The following CXCR1 variants were observed in gnomAD, a reference collection of about 807,000 sequenced individuals.
CXCR1 encodes the protein C-X-C chemokine receptor type 1.
For missense variants in CXCR1, 419 were observed against 440.5 expected, an observed-to-expected ratio of 0.95 and a Z score of 0.44; for synonymous variants, 180 against 184.7, an observed-to-expected ratio of 0.97 and a Z score of 0.21.
At position 218,164,259 on chromosome 2, in the gene CXCR1, T is replaced by C. The variant is rs2106120348; in HGVS notation, c.953A>G (p.Lys318Arg). The part of the protein sequence containing the change: ...IGQNFRHGFL[K>R]ILAMHGLVSK... ...GACCAGGCCATGCATAGCCAGGATC[T>C]TGAGGAATCCATGGCGAAAATTTTG... The change falls in exon 2 of 2, where the codon AAG (lysine) becomes AGG (arginine). Residue 318 changes from lysine (K) to arginine (R), a missense_variant. Lys to Arg is a conservative substitution (Grantham distance 26). Coordinates refer to ENST00000295683, the MANE Select transcript of CXCR1 (RefSeq NM_000634.3). 6.2e-7 allele frequency: 1 copy of C among 1,612,916 alleles called. No individual in the cohort carries two copies. Among genetic ancestry groups the C allele is most frequent in the Non-Finnish European group, 8.5e-7 (1 of 1,178,898 alleles).
chr2:218,164,120 C>T lies in CXCR1; in HGVS notation c.*39G>A. The T allele has an allele frequency of 6.2e-7, 1 of 1,609,396 alleles. No homozygotes were observed. Among genetic ancestry groups the T allele is most frequent in the Non-Finnish European group, 8.5e-7 (1 of 1,178,886 alleles). ...ACACAACCTCAGGGTGTTGGTTATT[C>T]TTTCCTTCTGAGAAGAGATATTCCT... is the stretch of plus-strand genomic sequence containing the variant. On this transcript the variant is annotated 3_prime_UTR_variant, in exon 2 of 2. Coordinates refer to ENST00000295683, the MANE Select transcript of CXCR1 (RefSeq NM_000634.3).
Position 218,164,063 on chromosome 2 carries a change from T to C in CXCR1, c.*96A>G. Reference sequence around the variant, plus strand: ...CTATAGCGTCCCCCCAAAACCCAGATAGTGCCTGTCCAGAGCCAGATCACC... The same window carrying C: ...CTATAGCGTCCCCCCAAAACCCAGACAGTGCCTGTCCAGAGCCAGATCACC... On this transcript the variant is annotated 3_prime_UTR_variant, in exon 2 of 2. Transcript: ENST00000295683. The C allele has an allele frequency of 4.1e-6, 6 of 1,476,628 alleles. No homozygotes were observed. The highest frequency in any genetic ancestry group is 5.6e-6 in the Non-Finnish European group (6 of 1,074,284). 91.5% of individuals were successfully genotyped at this position (1,476,628 alleles called of 1,614,324 possible).
intron 1 of CXCR1, 101 bp from the exon 2 acceptor site, chr2:218,165,345 G>A: frequency 1.1e-6 from 1 of 935,282 alleles, no homozygotes; most frequent in South Asian, 1.4e-5. Flanking sequence ...TGGCTTCCCT[G>A]TTGGTTTGGC....
In CXCR1 at chr2:218,164,914, C is replaced by T; in HGVS notation, c.298G>A (p.Val100Met). 1 of 1,614,238 alleles carries T rather than the reference C, an allele frequency of 6.2e-7. No individual in the cohort carries two copies. Among genetic ancestry groups the T allele is most frequent in the Non-Finnish European group, 8.5e-7 (1 of 1,180,046 alleles). Residue 100 changes from valine to methionine, a missense_variant, in exon 2 of 2, where the codon GTG (valine) becomes ATG (methionine). Transcript: ENST00000295683. Reference protein sequence around the residue: ...LTLPIWAASKVNGWIFGTFLC... With the variant: ...LTLPIWAASKMNGWIFGTFLC... ...AATGTGCCAAAAATCCAGCCATTCACCTTGGAGGCGGCCCAGATGGGCAAG... is the reference window on the plus strand; with the variant it reads ...AATGTGCCAAAAATCCAGCCATTCATCTTGGAGGCGGCCCAGATGGGCAAG...
Position 218,164,208 on chromosome 2 carries a change from C to G in CXCR1, c.1004G>C (p.Arg335Pro), listed in dbSNP as rs751280061. The change falls in exon 2 of 2, where the codon CGT becomes CCT. Residue 335 changes from arginine (R) to proline (P), a missense_variant. Transcript: ENST00000295683. ...AGACGAAGAAGTGTAGGAGGTAACA[C>G]GATGACGTGCCAAGAACTCCTTGCT... ...LVSKEFLARH[R>P]VTSYTSSSVN... The G allele has an allele frequency of 5.0e-6, 8 of 1,614,012 alleles. No homozygotes were observed. The highest frequency in any genetic ancestry group is 2.2e-5 in the East Asian group (1 of 44,894).
rs16858824 is a variant in CXCR1, at chr2:218,166,387, G to A, written c.-34+521C>T. ...CGGGAAATGGAGGTTGCAGTGAGCC[G>A]AGATCGTGCCACAGTACTACAGCCT... On this transcript the variant is annotated intron_variant, in intron 1 of 1. Coordinates refer to ENST00000295683, the MANE Select transcript of CXCR1 (RefSeq NM_000634.3). Among the ~76,000 whole-genome samples, 490 of 152,182 alleles carry A rather than the reference G, an allele frequency of 3.2e-3. 2 individuals carry two copies. Among genetic ancestry groups the A allele is most frequent in the African/African-American group, 0.011 (448 of 41,524 alleles).
rs747117990 is a variant in CXCR1, at chr2:218,164,991, G to C, written c.221C>G (p.Thr74Ser). The C allele has an allele frequency of 1.2e-6, 2 of 1,614,264 alleles. No homozygotes were observed. The highest frequency in any genetic ancestry group is 2.2e-5 in the East Asian group (1 of 44,888). ...ILYSRVGRSV[T>S]DVYLLNLALA... ...GGCCAGGTTCAGCAGGTAGACATCAGTGACGGAGCGGCCGACCCTGCTGTA... is the reference window on the plus strand; with the variant it reads ...GGCCAGGTTCAGCAGGTAGACATCACTGACGGAGCGGCCGACCCTGCTGTA... The change falls in exon 2 of 2, where the codon ACT (threonine) becomes AGT (serine). Residue 74 changes from threonine to serine, a missense_variant. Transcript: ENST00000295683.
In CXCR1 at chr2:218,164,790, T is replaced by C; in HGVS notation, c.422A>G (p.His141Arg). The change falls in exon 2 of 2, where the codon CAT (histidine) becomes CGT (arginine). Residue 141 changes from histidine (H) to arginine (R), a missense_variant. Transcript: ENST00000295683. The stretch of plus-strand genomic sequence containing the variant: ...CTTCTGGGTCAGTGTGCGTGTGGCA[T>C]GGACAATGGCCAGGTAACGGTCCAC... ...ISVDRYLAIV[H>R]ATRTLTQKRH... 6.2e-7 allele frequency: 1 copy of C among 1,614,240 alleles called. No homozygotes were observed. Among genetic ancestry groups the C allele is most frequent in the South Asian group, 1.1e-5 (1 of 91,086 alleles).
In CXCR1 at chr2:218,164,316, C is replaced by A. The variant is rs1209956413; in HGVS notation, c.896G>T (p.Cys299Phe). 1 of 1,612,050 alleles carries A rather than the reference C, an allele frequency of 6.2e-7. No individual in the cohort carries two copies. The highest frequency in any genetic ancestry group is 8.5e-7 in the Non-Finnish European group (1 of 1,178,360). ...ATEILGFLHSCLNPIIYAFIG... is the reference protein window; with the variant it reads ...ATEILGFLHSFLNPIIYAFIG... ...GAAGGCGTAGATGATGGGGTTGAGG[C>A]AGCTATGGAGAAATCCCAGAATCTC... The change falls in exon 2 of 2, where the codon TGC (cysteine) becomes TTC (phenylalanine). Residue 299 changes from cysteine (C) to phenylalanine (F), a missense_variant. By Grantham distance (205) the Cys-to-Phe change is radical (BLOSUM62 -2). Coordinates refer to ENST00000295683, the MANE Select transcript of CXCR1 (RefSeq NM_000634.3).
In CXCR1 at chr2:218,165,263, G is replaced by A; in HGVS notation, c.-33-19C>T. 1 of 1,551,976 alleles carries A rather than the reference G, an allele frequency of 6.4e-7. No individual in the cohort carries two copies. The highest frequency in any genetic ancestry group is 1.1e-5 in the South Asian group (1 of 89,952). ...GATCTAACTGGAAGGTTAGAAGGAA[G>A]GAAATGTGATTTAGTAGCTCGGATT... On this transcript the variant is annotated intron_variant, in intron 1 of 1. Transcript: ENST00000295683.
At position 218,164,329 on chromosome 2, in the gene CXCR1, A is replaced by C. The variant is rs1254923131; in HGVS notation, c.883T>G (p.Phe295Val). ...ATGGGGTTGAGGCAGCTATGGAGAA[A>C]TCCCAGAATCTCAGTGGCATCCAGG... ...RALDATEILG[F>V]LHSCLNPIIY... The change falls in exon 2 of 2, where the codon TTT becomes GTT. Residue 295 changes from phenylalanine (F) to valine (V), a missense_variant. Coordinates refer to ENST00000295683, the MANE Select transcript of CXCR1 (RefSeq NM_000634.3). The C allele has an allele frequency of 6.2e-7, 1 of 1,611,834 alleles. No homozygotes were observed. The highest frequency in any genetic ancestry group is 8.5e-7 in the Non-Finnish European group (1 of 1,178,174).
intron 1 of CXCR1, among the ~76,000 whole-genome samples, chr2:218,166,090 A>G (rs1691279831): frequency 6.6e-6 from 1 of 152,124 alleles, no homozygotes; most frequent in Non-Finnish European, 1.5e-5. Context: ...GAAGTCTGAA[A>G]GCCTTTGGAA....
intron 1 of CXCR1, among the ~76,000 whole-genome samples, chr2:218,166,079 A>T (rs1212278022): frequency 6.6e-6 from 1 of 152,182 alleles, no homozygotes; most frequent in Non-Finnish European, 1.5e-5. Context: ...GACTCTCCAG[A>T]GAAGTCTGAA....
Position 218,165,022 on chromosome 2 carries a change from T to A in CXCR1, c.190A>T (p.Ile64Phe). 1.2e-6 allele frequency: 2 copies of A among 1,614,248 alleles called. No homozygotes were observed. The highest frequency in any genetic ancestry group is 1.7e-6 in the Non-Finnish European group (2 of 1,180,036). Reference sequence around the variant, plus strand: ...GAGCGGCCGACCCTGCTGTATAAGATGACCAGCATCACCAGGGAGTTTCCC... The same window carrying A: ...GAGCGGCCGACCCTGCTGTATAAGAAGACCAGCATCACCAGGGAGTTTCCC... The part of the protein sequence containing the change: ...LLGNSLVMLV[I>F]LYSRVGRSVT... The change falls in exon 2 of 2, where the codon ATC becomes TTC. Residue 64 changes from isoleucine (I) to phenylalanine (F), a missense_variant. Physicochemically the swap from Ile to Phe is conservative, Grantham distance 21. Transcript: ENST00000295683.
Position 218,163,978 on chromosome 2 carries a change from A to T in CXCR1, c.*181T>A. ...AAGGCCGGTCCTTGGAGGTACCTCA[A>T]CAGCTCCTCAGAAGGTTGGTGTGGC... On this transcript the variant is annotated 3_prime_UTR_variant, in exon 2 of 2. Transcript: ENST00000295683. The T allele has an allele frequency of 1.4e-6, 1 of 698,116 alleles. No homozygotes were observed. Among genetic ancestry groups the T allele is most frequent in the Middle Eastern group, 3.9e-4 (1 of 2,544 alleles). 43.2% of individuals were successfully genotyped at this position (698,116 alleles called of 1,614,324 possible). A position where few individuals can be genotyped will look rare whatever the true frequency, so the allele number is the denominator to read the frequency against.
chr2:218,164,905 A>G lies in CXCR1; in HGVS notation c.307T>C (p.Trp103Arg), dbSNP rs191545072. 83 of 1,614,222 alleles carry G rather than the reference A, an allele frequency of 5.1e-5. No individual in the cohort carries two copies. In the East Asian group the frequency reaches 1.7e-3, roughly 34 times the overall value. The change falls in exon 2 of 2, where the codon TGG (tryptophan) becomes CGG (arginine). Residue 103 changes from tryptophan to arginine, a missense_variant. Trp to Arg is a moderately radical substitution (Grantham distance 101). Transcript: ENST00000295683. ...PIWAASKVNG[W>R]IFGTFLCKVV... is the part of the protein sequence containing the mutation. ...TTGCACAGGAATGTGCCAAAAATCC[A>G]GCCATTCACCTTGGAGGCGGCCCAG...
rs1047155069 is a variant in CXCR1 at position 218,163,886 on chromosome 2, G to C, written c.*273C>G. 1.3e-5 allele frequency: 6 copies of C among 455,102 alleles called. No homozygotes were observed. The Admixed American group carries it at 1.3e-4, about 10-fold the overall frequency. 28.2% of individuals were successfully genotyped at this position (455,102 alleles called of 1,614,324 possible). On this transcript the variant is annotated 3_prime_UTR_variant, in exon 2 of 2. Coordinates refer to ENST00000295683, the MANE Select transcript of CXCR1 (RefSeq NM_000634.3). ...GGCTCAGATGTGGCCATGCTAATTA[G>C]CCAGTTAGTGGGTTAAAGATGTGAC...
At position 218,164,264 on chromosome 2, in the gene CXCR1, G is replaced by A. The variant is rs753246147; in HGVS notation, c.948C>T (p.Phe316=). Reference sequence around the variant, plus strand: ...GGCCATGCATAGCCAGGATCTTGAGGAATCCATGGCGAAAATTTTGGCCGA... The same window carrying A: ...GGCCATGCATAGCCAGGATCTTGAGAAATCCATGGCGAAAATTTTGGCCGA... ...AFIGQNFRHG[F]LKILAMHGLV... Residue 316 remains phenylalanine, a synonymous_variant, in exon 2 of 2, where the codon TTC becomes TTT. Transcript: ENST00000295683. 6.2e-7 allele frequency: 1 copy of A among 1,612,780 alleles called. No homozygotes were observed. The highest frequency in any genetic ancestry group is 1.1e-5 in the South Asian group (1 of 91,078).
chr2:218,163,529 C>G lies in CXCR1; in HGVS notation c.*630G>C, dbSNP rs1691227146. The G allele has an allele frequency of 6.4e-6, 1 of 156,918 alleles. No individual in the cohort carries two copies. The highest frequency in any genetic ancestry group is 2.4e-5 in the African/African-American group (1 of 41,480). The allele number at this position is 156,918 out of a possible 1,614,324, so 9.7% of individuals were successfully genotyped here. ...GTTGGTCATGGGGGTAAAGGGGGTT[C>G]TTGTGGCATAGATCTGGCTTCCAAA... On this transcript the variant is annotated 3_prime_UTR_variant, in exon 2 of 2. Transcript: ENST00000295683.
Sources: allele counts gnomAD v4.1 joint callset (sites outside exome capture counted in the v4.1 genomes callset), GRCh38; gene constraint gnomAD v4.1.1; transcripts MANE v1.5; gene names NCBI Gene and HGNC (gene_info 2026-07-23, HGNC 2026-07-21).